The following IMMP2L variants were observed in gnomAD, a reference collection of about 807,000 sequenced individuals.
IMMP2L encodes the protein mitochondrial inner membrane protease subunit 2.
Under a neutral mutation model 19.3 loss-of-function variants are expected in IMMP2L, and 18 were observed. The ratio of observed to expected loss-of-function variants is 0.93; its 90% confidence interval spans 0.64 to 1.38. The LOEUF (loss-of-function observed/expected upper bound fraction) is 1.38. IMMP2L is among the 40% of genes most tolerant of loss of function. The pLI is 0.00. For synonymous variants in IMMP2L, 76 were observed against 73.0 expected, an observed-to-expected ratio of 1.04 and a Z score of -0.21; for missense variants, 233 against 218.2, an observed-to-expected ratio of 1.07 and a Z score of -0.43.
intron 4 of IMMP2L, among the ~76,000 whole-genome samples, chr7:110,947,423 T>A (rs1046810958): frequency 7.2e-5 from 11 of 152,176 alleles, no homozygotes; most frequent in African/African-American, 2.7e-4. Context: ...ATTTTAATGA[T>A]AGCTGTATTA....
rs1448831815 is a variant in IMMP2L at position 111,206,432 on chromosome 7, G to A, written c.240-242867C>T. Among the ~76,000 whole-genome samples, 41 of 152,048 alleles carry A rather than the reference G, an allele frequency of 2.7e-4. 1 individual carries two copies. The highest frequency in any genetic ancestry group is 2.7e-3 in the Admixed American group (41 of 15,262). ...ATCAGCATCTCGAACTACATTTCAA[G>A]TCTACATTTATATGCATTTTGGTGT... On this transcript the variant is annotated intron_variant, in intron 3 of 5. Coordinates refer to ENST00000405709, the MANE Select transcript of IMMP2L (RefSeq NM_032549.4).
chr7:111,208,944 T>C (rs779440206), intron 3 of IMMP2L, among the ~76,000 whole-genome samples: 1 of 152,232 alleles, frequency 6.6e-6, no homozygotes, highest in African/African-American at 2.4e-5. Context: ...AGGTAACTTA[T>C]GTACACATGC....
At chr7:111,286,466 A>G (rs1282859241) in intron 3 of IMMP2L, among the ~76,000 whole-genome samples, 2 of 152,150 alleles carry the variant, frequency 1.3e-5, no homozygotes, top group Non-Finnish European at 2.9e-5. Context: ...CAATTCTCAA[A>G]GGGCCAAAAC....
chr7:110,914,968 G>A (rs1813441196), intron 4 of IMMP2L, among the ~76,000 whole-genome samples: 1 of 152,076 alleles, frequency 6.6e-6, no homozygotes, highest in Admixed American at 6.6e-5. Flanking sequence ...GAGGAGAAAA[G>A]GGAACCCTTG....
chr7:111,275,089 A>T (rs1322105833), intron 3 of IMMP2L, among the ~76,000 whole-genome samples: 1 of 152,170 alleles, frequency 6.6e-6, no homozygotes, highest in Non-Finnish European at 1.5e-5. Context: ...GAATTCTTTC[A>T]TGTTGAGAAA....
intron 5 of IMMP2L, among the ~76,000 whole-genome samples, chr7:110,676,383 C>T (rs762170959): frequency 9.1e-4 from 138 of 152,324 alleles, no homozygotes; most frequent in Admixed American, 4.4e-3. Context: ...AAACAGGCAG[C>T]GAGCTGTATT....
intron 3 of IMMP2L, among the ~76,000 whole-genome samples, chr7:110,980,717 C>G (rs1406098713): frequency 2.6e-5 from 4 of 151,944 alleles, no homozygotes; most frequent in Non-Finnish European, 4.4e-5. Context: ...TATAAATTTC[C>G]CTAAATTTGA....
At chr7:111,480,439 CAAATAATAA>C (rs1002120914) in intron 3 of IMMP2L, among the ~76,000 whole-genome samples, 2 of 151,672 alleles carry the variant, frequency 1.3e-5, no homozygotes, top group Non-Finnish European at 2.9e-5. Flanking sequence ...TAATCTATAT[CAAATAATAA>C]GAATAATAAT....
chr7:111,335,050 C>T (rs1826258563), intron 3 of IMMP2L, among the ~76,000 whole-genome samples: 1 of 151,978 alleles, frequency 6.6e-6, no homozygotes, highest in Non-Finnish European at 1.5e-5. Context: ...TAGGCCAAGT[C>T]CCATAAGCTC....
intron 3 of IMMP2L, among the ~76,000 whole-genome samples, chr7:111,440,545 T>C (rs1837612488): frequency 2.6e-5 from 4 of 151,904 alleles, no homozygotes; most frequent in Admixed American, 2.6e-4. Flanking sequence ...CCACAATCTA[T>C]GCTATGAACA....
chr7:110,797,970 C>T (rs1270555821), intron 5 of IMMP2L, among the ~76,000 whole-genome samples: 3 of 151,906 alleles, frequency 2.0e-5, no homozygotes, highest in African/African-American at 7.2e-5. Flanking sequence ...AATAACTATT[C>T]TGCCTGATAA....
intron 3 of IMMP2L, among the ~76,000 whole-genome samples, chr7:111,242,477 A>G (rs1041457671): frequency 6.6e-6 from 1 of 152,112 alleles, no homozygotes; most frequent in African/African-American, 2.4e-5. Context: ...CCAGGGGCGC[A>G]GTTAAAGGAA....
intron 3 of IMMP2L, among the ~76,000 whole-genome samples, chr7:110,997,387 T>A (rs575117380): frequency 6.6e-6 from 1 of 152,244 alleles, no homozygotes; most frequent in South Asian, 2.1e-4. Context: ...TCAATGTAAG[T>A]TTCCATTTCT....
At chr7:111,320,203 A>G (rs913180229) in intron 3 of IMMP2L, among the ~76,000 whole-genome samples, 2 of 152,028 alleles carry the variant, frequency 1.3e-5, no homozygotes, top group South Asian at 2.1e-4. Context: ...GACAGAAGCT[A>G]ATTCTATGAA....
intron 2 of IMMP2L, among the ~76,000 whole-genome samples, chr7:111,495,129 T>C (rs1204200460): frequency 3.9e-5 from 6 of 152,148 alleles, no homozygotes; most frequent in East Asian, 3.8e-4. Flanking sequence ...TTTTAAAACA[T>C]ATACACACAT....
chr7:110,962,778 G>A, intron 4 of IMMP2L: 4 of 1,143,356 alleles, frequency 3.5e-6, no homozygotes, highest in Non-Finnish European at 4.3e-6. Context: ...AATACTTTAG[G>A]ATCAAGTTTT....
intron 5 of IMMP2L, among the ~76,000 whole-genome samples, chr7:110,766,079 ATGAT>A (rs1406919773): frequency 1.3e-5 from 2 of 152,182 alleles, no homozygotes; most frequent in Non-Finnish European, 2.9e-5. Flanking sequence ...ATTAGTTCTA[ATGAT>A]TTAATTAAAT....
intron 3 of IMMP2L, among the ~76,000 whole-genome samples, chr7:111,427,640 G>A (rs546053649): frequency 6.6e-6 from 1 of 151,782 alleles, no homozygotes; most frequent in African/African-American, 2.4e-5. Context: ...TTTCTATTCA[G>A]AGTGCCAGAA....
At chr7:110,869,233 C>T (rs1808304631) in intron 5 of IMMP2L, among the ~76,000 whole-genome samples, 1 of 152,006 alleles carries the variant, frequency 6.6e-6, no homozygotes, top group Non-Finnish European at 1.5e-5. Context: ...TTTCTACCAT[C>T]CAATTTCTAA....
Sources: allele counts gnomAD v4.1 joint callset (sites outside exome capture counted in the v4.1 genomes callset), GRCh38; gene constraint gnomAD v4.1.1; transcripts MANE v1.5; gene names NCBI Gene and HGNC (gene_info 2026-07-23, HGNC 2026-07-21).